ARID4B: variants seen among roughly 807,000 people sequenced by gnomAD.
ARID4B encodes the protein AT-rich interaction domain 4B.
Under a neutral mutation model 147.5 loss-of-function variants are expected in ARID4B, and 26 were observed. The ratio of observed to expected loss-of-function variants is 0.18; its 90% CI spans 0.13 to 0.24. The LOEUF is 0.24. Ranked by LOEUF, ARID4B falls within the 10% of genes least tolerant of loss-of-function variation. The pLI is 1.00. For synonymous variants in ARID4B, 512 were observed against 507.9 expected, an observed-to-expected ratio of 1.01 and a Z score of -0.11; for missense variants, 1,179 against 1,511.5, an observed-to-expected ratio of 0.78 and a Z score of 3.65.
chr1:235,248,732 C>T (rs184973144), intron 6 of ARID4B, among the ~76,000 whole-genome samples: 64 of 152,282 alleles, frequency 4.2e-4, no homozygotes, highest in Middle Eastern at 3.4e-3. Flanking sequence ...CTCCCTAGTA[C>T]ATAACAAGAA....
chr1:235,233,284 C>T (rs1455998912), intron 9 of ARID4B, among the ~76,000 whole-genome samples: 1 of 151,650 alleles, frequency 6.6e-6, no homozygotes, highest in Non-Finnish European at 1.5e-5. Flanking sequence ...CTTATCACTA[C>T]AAAAAATACA....
chr1:235,169,227 T>C (rs987670887), intron 23 of ARID4B, among the ~76,000 whole-genome samples: 48 of 151,810 alleles, frequency 3.2e-4, no homozygotes, highest in East Asian at 1.9e-4. Flanking sequence ...GTTTCCTTTT[T>C]TCGTTTTTTT....
intron 17 of ARID4B, among the ~76,000 whole-genome samples, chr1:235,196,551 A>G (rs1571948335): frequency 6.6e-6 from 1 of 152,288 alleles, no homozygotes; most frequent in Middle Eastern, 3.4e-3. Flanking sequence ...GCATTGTGTA[A>G]TAGAAAAGCA....
intron 3 of ARID4B, among the ~76,000 whole-genome samples, chr1:235,259,519 T>C (rs1331179938): frequency 6.6e-6 from 1 of 152,228 alleles, no homozygotes; most frequent in Non-Finnish European, 1.5e-5. Flanking sequence ...GATAAAAGGC[T>C]TTCTCTTCCT....
At chr1:235,239,136 AT>A (rs1306575275) in intron 8 of ARID4B, among the ~76,000 whole-genome samples, 1 of 151,756 alleles carries the variant, frequency 6.6e-6, no homozygotes, top group East Asian at 1.9e-4. Context: ...CAGCCAGCTA[AT>A]TTTTTTGTAT....
intron 2 of ARID4B, among the ~76,000 whole-genome samples, chr1:235,290,482 G>C (rs1404552900): frequency 6.6e-6 from 1 of 151,368 alleles, no homozygotes; most frequent in Non-Finnish European, 1.5e-5. Flanking sequence ...CTACTCTTAG[G>C]AATTAATCCT....
intron 2 of ARID4B, among the ~76,000 whole-genome samples, chr1:235,275,600 T>C (rs1257429108): frequency 6.6e-6 from 1 of 152,208 alleles, no homozygotes; most frequent in Non-Finnish European, 1.5e-5. Flanking sequence ...TGTACCCTTA[T>C]AATAGATTCT....
At chr1:235,198,288 T>A (rs1313406343) in intron 17 of ARID4B, among the ~76,000 whole-genome samples, 1 of 152,208 alleles carries the variant, frequency 6.6e-6, no homozygotes, top group Non-Finnish European at 1.5e-5. Flanking sequence ...TGGGTTTTAT[T>A]ATCAATTATA....
At chr1:235,204,130 T>G (rs1291064338) in intron 17 of ARID4B, among the ~76,000 whole-genome samples, 1 of 152,128 alleles carries the variant, frequency 6.6e-6, no homozygotes, top group East Asian at 1.9e-4. Flanking sequence ...AAGACCAGCC[T>G]GGCCAGCATG....
chr1:235,279,662 G>A (rs907298101), intron 2 of ARID4B, among the ~76,000 whole-genome samples: 5 of 152,170 alleles, frequency 3.3e-5, no homozygotes, highest in African/African-American at 1.2e-4. Context: ...GCTGGCCCTT[G>A]GCTAAGAACT....
At chr1:235,228,685 G>T (rs1466259755) in intron 11 of ARID4B, 2 of 140,902 alleles carry the variant, frequency 1.4e-5, no homozygotes, top group South Asian at 2.4e-4. Context: ...TCGCTCTGTC[G>T]CCCAGGCTGG....
At chr1:235,275,650 CA>C (rs1671272616) in intron 2 of ARID4B, among the ~76,000 whole-genome samples, 1 of 152,078 alleles carries the variant, frequency 6.6e-6, no homozygotes, top group Non-Finnish European at 1.5e-5. Flanking sequence ...TTCTATTACC[CA>C]TAACCAAAAT....
intron 22 of ARID4B, among the ~76,000 whole-genome samples, chr1:235,174,489 A>C (rs1162126717): frequency 6.6e-6 from 1 of 152,010 alleles, no homozygotes; most frequent in Non-Finnish European, 1.5e-5. Context: ...TCTTTTTCAG[A>C]GTATTGGCAT....
intron 19 of ARID4B, among the ~76,000 whole-genome samples, chr1:235,191,230 G>C: frequency 6.7e-6 from 1 of 148,562 alleles, no homozygotes. Flanking sequence ...CATCCACTGC[G>C]AATGTGTCAC....
intron 2 of ARID4B, among the ~76,000 whole-genome samples, chr1:235,268,238 A>G (rs966480708): frequency 3.2e-4 from 49 of 152,184 alleles, no homozygotes; most frequent in African/African-American, 1.2e-3. Context: ...AGTGGGGGCC[A>G]TGTTTTTCAC....
At chr1:235,201,962 T>C (rs1448037284) in intron 17 of ARID4B, among the ~76,000 whole-genome samples, 7 of 151,398 alleles carry the variant, frequency 4.6e-5, no homozygotes, top group African/African-American at 1.7e-4. Context: ...TTTCTGAAAA[T>C]GTGAAAATTC....
intron 8 of ARID4B, among the ~76,000 whole-genome samples, chr1:235,236,862 ATTT>A (rs869157061): frequency 0.018 from 312 of 17,280 alleles, 1 homozygote; most frequent in African/African-American, 0.053. Context: ...ATATATATAT[ATTT>A]TTTTTTTTTT....
At chr1:235,292,565 G>T (rs1672408694) in intron 2 of ARID4B, among the ~76,000 whole-genome samples, 1 of 149,854 alleles carries the variant, frequency 6.7e-6, no homozygotes, top group Admixed American at 6.7e-5. Context: ...GCAGTGAGTT[G>T]AGATCATGCC....
intron 17 of ARID4B, among the ~76,000 whole-genome samples, chr1:235,207,754 A>G (rs539171797): frequency 6.6e-6 from 1 of 152,342 alleles, no homozygotes; most frequent in Admixed American, 6.5e-5. Flanking sequence ...AATGATGGCA[A>G]AAAATAGGAT....
Sources: allele counts gnomAD v4.1 joint callset (sites outside exome capture counted in the v4.1 genomes callset), GRCh38; gene constraint gnomAD v4.1.1; transcripts MANE v1.5; gene names NCBI Gene and HGNC (gene_info 2026-07-23, HGNC 2026-07-21).